The following NEK1 variants were observed in gnomAD, a reference collection of about 807,000 sequenced individuals.
NEK1 encodes serine/threonine-protein kinase Nek1.
In NEK1, 137 loss-of-function variants were observed where a neutral mutation model predicts 182.1. That is an observed-to-expected ratio of 0.75 (90% CI 0.65 to 0.87). The LOEUF is 0.87. Ranked by LOEUF, NEK1 falls within the 40% of genes least tolerant of loss-of-function variation. The pLI is 0.00. For synonymous variants in NEK1, 513 were observed against 492.2 expected (o/e 1.04, Z -0.56); for missense variants, 1,391 against 1,494.4 (o/e 0.93, Z 1.14).
intron 19 of NEK1, among the ~76,000 whole-genome samples, chr4:169,527,778 CAAAT>C (rs1757099689): frequency 1.3e-5 from 2 of 151,852 alleles, no homozygotes. Context: ...AAACACAAAA[CAAAT>C]AATAGAATGT....
intron 19 of NEK1, among the ~76,000 whole-genome samples, chr4:169,528,688 T>C (rs1427810182): frequency 6.6e-6 from 1 of 152,198 alleles, no homozygotes; most frequent in Non-Finnish European, 1.5e-5. Flanking sequence ...AAATCCACAA[T>C]TATATTTGAA....
intron 23 of NEK1, among the ~76,000 whole-genome samples, chr4:169,505,452 C>G (rs180675813): frequency 1.3e-5 from 2 of 152,256 alleles, no homozygotes; most frequent in East Asian, 3.9e-4. Context: ...TTTCCTTTAG[C>G]TTTGTTGTAA....
intron 19 of NEK1, among the ~76,000 whole-genome samples, chr4:169,525,528 T>C (rs1192601528): frequency 6.6e-6 from 1 of 152,138 alleles, no homozygotes; most frequent in Non-Finnish European, 1.5e-5. Flanking sequence ...TAATTTACTA[T>C]ACAGGATAAT....
intron 18 of NEK1, among the ~76,000 whole-genome samples, chr4:169,550,093 C>G (rs911854767): frequency 1.2e-4 from 19 of 152,236 alleles, no homozygotes; most frequent in African/African-American, 4.3e-4. Flanking sequence ...CCATAATTCC[C>G]ATGTGTTGTG....
chr4:169,405,019 C>T (rs1251686565), intron 32 of NEK1, among the ~76,000 whole-genome samples: 1 of 152,126 alleles, frequency 6.6e-6, no homozygotes, highest in Non-Finnish European at 1.5e-5. Flanking sequence ...TGCTAACTCC[C>T]CATTGGCATG....
intron 32 of NEK1, 121 bp downstream of exon 32, chr4:169,406,475 C>T (rs1732637003): frequency 4.8e-6 from 3 of 629,052 alleles, no homozygotes; most frequent in Non-Finnish European, 7.7e-6. Context: ...AAATAATATA[C>T]AGAAGACATA....
intron 31 of NEK1, among the ~76,000 whole-genome samples, chr4:169,407,212 C>T (rs997106085): frequency 6.6e-6 from 1 of 152,174 alleles, no homozygotes; most frequent in African/African-American, 2.4e-5. Context: ...CTAAGTGTTC[C>T]TCTCATCTTC....
At chr4:169,551,266 T>C (rs1447561848) in intron 18 of NEK1, among the ~76,000 whole-genome samples, 1 of 152,218 alleles carries the variant, frequency 6.6e-6, no homozygotes, top group Non-Finnish European at 1.5e-5. Flanking sequence ...CATACACTGT[T>C]GGGTTAAGTA....
chr4:169,558,299 A>T (rs1177150787), intron 16 of NEK1, among the ~76,000 whole-genome samples: 1 of 152,230 alleles, frequency 6.6e-6, no homozygotes, highest in Admixed American at 6.5e-5. Flanking sequence ...TTTGAGACAT[A>T]ATTTATGTAC....
Position 169,594,636 on chromosome 4 carries a change from T to C in NEK1, c.313-3827A>G, listed in dbSNP as rs576359866. 7.9e-5 allele frequency among the ~76,000 whole-genome samples: 12 copies of C among 152,288 alleles called. No individual in the cohort carries two copies. In the South Asian group the frequency reaches 2.3e-3, roughly 29 times the overall value. ...CTACATTTTACAATATTTTGTCACTTTGATTAAATAAGTAACCAAAGAATG... is the reference window on the plus strand; with the variant it reads ...CTACATTTTACAATATTTTGTCACTCTGATTAAATAAGTAACCAAAGAATG... On this transcript the variant is annotated intron_variant, in intron 5 of 35. Coordinates refer to ENST00000507142, the MANE Select transcript of NEK1 (RefSeq NM_001199397.3).
At chr4:169,535,117 C>T (rs138252760) in intron 19 of NEK1, among the ~76,000 whole-genome samples, 1,645 of 151,764 alleles carry the variant, frequency 0.011, 27 homozygotes, top group African/African-American at 0.037. Context: ...GTCAGGGGTT[C>T]GAGATCAGCC....
At chr4:169,501,831 C>G (rs190642023) in intron 23 of NEK1, among the ~76,000 whole-genome samples, 10 of 152,022 alleles carry the variant, frequency 6.6e-5, no homozygotes, top group Admixed American at 5.2e-4. Flanking sequence ...TAATGCTGCA[C>G]CTACAGGAAC....
chr4:169,472,192 C>T (rs1270642258), intron 26 of NEK1, among the ~76,000 whole-genome samples: 1 of 152,020 alleles, frequency 6.6e-6, no homozygotes, highest in African/African-American at 2.4e-5. Flanking sequence ...AAACAAAAAA[C>T]TCCTGCAGCC....
At chr4:169,410,509 T>C (rs60597068) in intron 31 of NEK1, among the ~76,000 whole-genome samples, 1,875 of 152,310 alleles carry the variant, frequency 0.012, 40 homozygotes, top group African/African-American at 0.042. Context: ...AAATGTCTTA[T>C]GATGGACACA....
intron 27 of NEK1, among the ~76,000 whole-genome samples, chr4:169,457,762 G>A (rs1743185494): frequency 7.9e-6 from 1 of 127,148 alleles, no homozygotes; most frequent in Admixed American, 8.3e-5. Context: ...GAGGGGAGGG[G>A]AGGGAAGAAG....
At chr4:169,570,098 C>T (rs1165129157) in intron 12 of NEK1, among the ~76,000 whole-genome samples, 1 of 151,660 alleles carries the variant, frequency 6.6e-6, no homozygotes, top group African/African-American at 2.4e-5. Flanking sequence ...AGCGTCTCTG[C>T]CTGGCCGCCC....
chr4:169,498,099 A>G (rs1459682289), intron 23 of NEK1, among the ~76,000 whole-genome samples: 2 of 152,070 alleles, frequency 1.3e-5, no homozygotes, highest in African/African-American at 2.4e-5. Flanking sequence ...CCTGTATTGG[A>G]TGCATATATA....
At chr4:169,455,910 G>A (rs896715880) in intron 27 of NEK1, among the ~76,000 whole-genome samples, 5 of 152,078 alleles carry the variant, frequency 3.3e-5, no homozygotes, top group Admixed American at 1.3e-4. Context: ...TGCAGAATAC[G>A]GCTTCTTCTC....
At chr4:169,418,052 G>A (rs895068548) in intron 31 of NEK1, among the ~76,000 whole-genome samples, 1 of 152,198 alleles carries the variant, frequency 6.6e-6, no homozygotes, top group Non-Finnish European at 1.5e-5. Flanking sequence ...CACAAAGCTA[G>A]GCCAAAACAG....
Sources: gnomAD v4.1 joint callset for allele counts (sites outside exome capture counted in the v4.1 genomes callset) on GRCh38, gnomAD v4.1.1 for gene constraint, MANE v1.5 for transcripts, NCBI Gene and HGNC (gene_info 2026-07-23, HGNC 2026-07-21) for gene names.